VRK1: variants seen among roughly 807,000 people sequenced by gnomAD.
VRK1 encodes VRK serine/threonine kinase 1, also known as serine/threonine-protein kinase VRK1.
In VRK1, 33 loss-of-function variants were observed where a neutral mutation model predicts 57.1. The ratio of observed to expected loss-of-function variants is 0.58; its 90% CI spans 0.44 to 0.77. The LOEUF (loss-of-function observed/expected upper bound fraction) is 0.77. VRK1 is among the 30% of genes least tolerant of loss of function. The pLI, the probability that VRK1 is intolerant of heterozygous loss-of-function variation, is 0.00. For missense variants in VRK1, 413 were observed against 477.3 expected (o/e 0.87, Z 1.25); for synonymous variants, 137 against 147.8 (o/e 0.93, Z 0.53).
intron 10 of VRK1, among the ~76,000 whole-genome samples, chr14:96,857,685 T>C (rs1888221246): frequency 6.6e-6 from 1 of 152,154 alleles, no homozygotes; most frequent in South Asian, 2.1e-4. Flanking sequence ...TGAGAATTGG[T>C]CAGTCTGGAT....
At chr14:96,801,110 C>T (rs1885643250) in intron 1 of VRK1, among the ~76,000 whole-genome samples, 1 of 152,150 alleles carries the variant, frequency 6.6e-6, no homozygotes, top group African/African-American at 2.4e-5. Flanking sequence ...TTTTTGAGGA[C>T]CGTCTGTCTG....
chr14:96,870,256 C>A (rs532884922), intron 11 of VRK1, among the ~76,000 whole-genome samples: 16 of 152,198 alleles, frequency 1.1e-4, no homozygotes, highest in African/African-American at 3.9e-4. Context: ...TTGTTCAGGG[C>A]TGTGAAATCA....
chr14:96,805,372 G>A (rs1210371715), intron 1 of VRK1, among the ~76,000 whole-genome samples: 1 of 152,224 alleles, frequency 6.6e-6, no homozygotes, highest in East Asian at 1.9e-4. Context: ...CATTTTGCTT[G>A]TAGTCAGGGG....
intron 3 of VRK1, among the ~76,000 whole-genome samples, chr14:96,838,784 G>T (rs1002270556): frequency 6.6e-6 from 1 of 152,080 alleles, no homozygotes; most frequent in African/African-American, 2.4e-5. Context: ...TACTCTGAAG[G>T]TTTTCATTTT....
intron 11 of VRK1, among the ~76,000 whole-genome samples, chr14:96,864,000 G>A (rs777222049): frequency 1.5e-4 from 23 of 152,116 alleles, no homozygotes; most frequent in Non-Finnish European, 3.2e-4. Flanking sequence ...TCTAAATTTG[G>A]TGAAAATCTA....
At chr14:96,832,199 G>T (rs28616062) in intron 1 of VRK1, among the ~76,000 whole-genome samples, 1 of 151,956 alleles carries the variant, frequency 6.6e-6, no homozygotes, top group Non-Finnish European at 1.5e-5. Flanking sequence ...GGGTGAGTTG[G>T]TGAAAAATTC....
At chr14:96,830,488 T>G (rs1026520711) in intron 1 of VRK1, among the ~76,000 whole-genome samples, 1 of 152,170 alleles carries the variant, frequency 6.6e-6, no homozygotes, top group Non-Finnish European at 1.5e-5. Context: ...TTTTTGTCTT[T>G]CATTTTCAAT....
At position 96,855,232 on chromosome 14, in the gene VRK1, G is replaced by C. The variant is rs748878251; in HGVS notation, c.585G>C (p.Leu195Phe). 1.9e-6 allele frequency: 3 copies of C among 1,613,896 alleles called. No homozygotes were observed. Among genetic ancestry groups the C allele is most frequent in the Non-Finnish European group, 1.7e-6 (2 of 1,179,896 alleles). Residue 195 changes from leucine (L) to phenylalanine (F), a missense_variant, in exon 8 of 13, where the codon TTG becomes TTC. Physicochemically the swap from Leu to Phe is conservative, Grantham distance 22 (BLOSUM62 0). Around this residue, in one of 3 missense-constraint regions of VRK1, gnomAD observed 151 missense variants for 225.5 expected, o/e 0.67. Transcript: ENST00000216639. ...TGCTTGGAAATTTATAGGTGTACTT[G>C]GTAGATTATGGCCTTGCTTATCGGT... is the stretch of plus-strand genomic sequence containing the variant. ...LNYKNPDQVYLVDYGLAYRYC... is the reference protein window; with the variant it reads ...LNYKNPDQVYFVDYGLAYRYC...
In VRK1 at chr14:96,856,187, C is replaced by T. The variant is rs1888145240; in HGVS notation, c.767C>T (p.Thr256Ile). ...GGTTATTGCATGATCCAATGGCTTA[C>T]TGGCCATCTTCCTTGGGAGGATAAT... is the stretch of plus-strand genomic sequence containing the variant. ...ILGYCMIQWLTGHLPWEDNLK... is the reference protein window; with the variant it reads ...ILGYCMIQWLIGHLPWEDNLK... The change falls in exon 9 of 13, where the codon ACT (threonine) becomes ATT (isoleucine). Residue 256 changes from threonine (T) to isoleucine (I), a missense_variant. Transcript: ENST00000216639. 8 of 1,613,680 alleles carry T rather than the reference C, an allele frequency of 5.0e-6. No individual in the cohort carries two copies. The East Asian group carries it at 1.6e-4, about 32-fold the overall frequency.
At position 96,856,651 on chromosome 14, in the gene VRK1, C is replaced by T. The variant is rs898992700; in HGVS notation, c.889+65C>T. The T allele has an allele frequency of 1.3e-5, 17 of 1,356,800 alleles. No homozygotes were observed. In the African/African-American group the frequency reaches 2.0e-4, roughly 16 times the overall value. The allele number at this position is 1,356,800 out of a possible 1,614,324, so 84.0% of individuals were successfully genotyped here. ...TTCTGGGGATAAAAAGGCATGATAT[C>T]CATGGAATAGCCCTTAATGTAAGAT... On this transcript the variant is annotated intron_variant, in intron 10 of 12. Transcript: ENST00000216639.
At chr14:96,828,278 G>C (rs991311683) in intron 1 of VRK1, among the ~76,000 whole-genome samples, 10 of 152,196 alleles carry the variant, frequency 6.6e-5, no homozygotes, top group Non-Finnish European at 1.3e-4. Flanking sequence ...CGGTTAGCAG[G>C]TACTGCCAAA....
At chr14:96,876,166 A>C in intron 12 of VRK1, 46 bp downstream of exon 12, 2 of 1,586,510 alleles carry the variant, frequency 1.3e-6, no homozygotes, top group Non-Finnish European at 1.7e-6. Flanking sequence ...GTAAACACAA[A>C]TTTCATTTCC....
intron 11 of VRK1, among the ~76,000 whole-genome samples, chr14:96,866,569 A>T (rs530819174): frequency 1.1e-4 from 16 of 152,262 alleles, no homozygotes; most frequent in African/African-American, 3.6e-4. Context: ...GTCTTTCTCC[A>T]GGTTTCTTCC....
At chr14:96,873,410 A>G (rs1888905171) in intron 11 of VRK1, among the ~76,000 whole-genome samples, 1 of 152,188 alleles carries the variant, frequency 6.6e-6, no homozygotes, top group Admixed American at 6.5e-5. Context: ...TATAATGTGT[A>G]ATATATATGC....
At chr14:96,861,242 ATTGT>A (rs1051886693) in intron 11 of VRK1, among the ~76,000 whole-genome samples, 10 of 152,304 alleles carry the variant, frequency 6.6e-5, no homozygotes, top group East Asian at 3.9e-4. Flanking sequence ...AAGGGGATTA[ATTGT>A]TTGGAGAGAA....
intron 3 of VRK1, among the ~76,000 whole-genome samples, chr14:96,839,035 A>G (rs966693299): frequency 6.6e-6 from 1 of 151,012 alleles, no homozygotes; most frequent in African/African-American, 2.4e-5. Flanking sequence ...GTTCTTATTC[A>G]GTCAAAACCC....
intron 1 of VRK1, among the ~76,000 whole-genome samples, chr14:96,813,042 C>G (rs1886263706): frequency 1.3e-5 from 2 of 152,204 alleles, no homozygotes; most frequent in African/African-American, 4.8e-5. Context: ...TAAGAACTAT[C>G]AGTTGGTTTC....
rs776203480 is a variant in VRK1 at position 96,876,114 on chromosome 14, C to G, written c.1153C>G (p.Gln385Glu). The part of the protein sequence containing the change: ...WSNTQTEEAI[Q>E]TRSRTRKRVQ... Reference sequence around the variant, plus strand: ...AAACACACAGACAGAGGAGGCCATACAGACCCGTAAGTTGAACAGTTTTGC... The same window carrying G: ...AAACACACAGACAGAGGAGGCCATAGAGACCCGTAAGTTGAACAGTTTTGC... Residue 385 changes from glutamine (Q) to glutamate (E), a missense_variant, in exon 12 of 13, where the codon CAG (glutamine) becomes GAG (glutamate). By Grantham distance (29) the Gln-to-Glu change is conservative (BLOSUM62 2). This residue lies in a region of VRK1 where 146 missense variants were observed against 138.2 expected (regional missense o/e 1.06). Coordinates refer to ENST00000216639, the MANE Select transcript of VRK1 (RefSeq NM_003384.3). 7 of 1,613,492 alleles carry G rather than the reference C, an allele frequency of 4.3e-6. No individual in the cohort carries two copies. The South Asian group carries it at 5.5e-5, about 13-fold the overall frequency.
intron 1 of VRK1, among the ~76,000 whole-genome samples, chr14:96,818,334 A>T (rs1886469249): frequency 6.6e-6 from 1 of 152,244 alleles, no homozygotes; most frequent in Admixed American, 6.5e-5. Context: ...AAAACATTTT[A>T]TAACCTAACG....
Sources: gnomAD v4.1 joint callset for allele counts (sites outside exome capture counted in the v4.1 genomes callset) on GRCh38, gnomAD v4.1.1 for gene constraint, gnomAD v4.1.1 regional missense constraint, MANE v1.5 for transcripts, NCBI Gene and HGNC (gene_info 2026-07-23, HGNC 2026-07-21) for gene names.